The following LIMS1 variants were observed in gnomAD, a reference collection of about 807,000 sequenced individuals.
LIMS1 encodes LIM zinc finger domain containing 1.
In LIMS1, 18 loss-of-function variants were observed where a neutral mutation model predicts 44.1. The ratio of observed to expected loss-of-function variants is 0.41; its 90% CI spans 0.28 to 0.61. The LOEUF (loss-of-function observed/expected upper bound fraction) is 0.61, where lower values mean the gene tolerates loss of function less well. Ranked by LOEUF, LIMS1 falls within the 20% of genes least tolerant of loss-of-function variation. The pLI is 0.32. For synonymous variants in LIMS1, 93 were observed against 149.1 expected (o/e 0.62, Z 2.74); for missense variants, 201 against 422.0 (o/e 0.48, Z 4.59).
chr2:108,588,270 G>GAA, intron 1 of LIMS1: 4 of 802,558 alleles, frequency 5.0e-6, no homozygotes, highest in Non-Finnish European at 6.0e-6. Context: ...CTAAATACAG[G>GAA]AAAAAAAAAA....
chr2:108,622,829 T>A (rs956489152), intron 1 of LIMS1, among the ~76,000 whole-genome samples: 7 of 152,110 alleles, frequency 4.6e-5, no homozygotes, highest in Non-Finnish European at 7.4e-5. Context: ...TTTCCTTTTT[T>A]AAAAAAATTA....
In LIMS1 at chr2:108,638,966, C is replaced by G. The variant is rs558267612; in HGVS notation, c.33-20639C>G. 2.6e-5 allele frequency among the ~76,000 whole-genome samples: 4 copies of G among 152,194 alleles called. No individual in the cohort carries two copies. The East Asian group carries it at 7.7e-4, about 29-fold the overall frequency. ...GCTGAGGCAGGAGAATGGTGTGAAC[C>G]CGGGAGGCGGAGCCTGCAGTGAGCA... is the stretch of plus-strand genomic sequence containing the variant. On this transcript the variant is annotated intron_variant, in intron 1 of 9. Coordinates refer to ENST00000544547, the Ensembl canonical transcript of LIMS1.
At chr2:108,545,533 C>T (rs556416195) in intron 1 of LIMS1, among the ~76,000 whole-genome samples, 4 of 152,328 alleles carry the variant, frequency 2.6e-5, no homozygotes, top group African/African-American at 7.2e-5. Context: ...GTCACCGTGC[C>T]GGTGCATCCT....
At chr2:108,605,773 A>ATCTTGG (rs1457132386) in intron 1 of LIMS1, among the ~76,000 whole-genome samples, 22 of 152,260 alleles carry the variant, frequency 1.4e-4, no homozygotes, top group African/African-American at 5.1e-4. Flanking sequence ...GAGGGACCCA[A>ATCTTGG]GAGCAACTTG....
chr2:108,595,621 T>TTTG lies in LIMS1; in HGVS notation c.32+61045_32+61047dup, dbSNP rs569763925. 6.2e-4 allele frequency among the ~76,000 whole-genome samples: 95 copies of TTTG among 152,068 alleles called. 1 individual carries two copies. Among genetic ancestry groups the TTTG allele is most frequent in the African/African-American group, 1.1e-3 (47 of 41,400 alleles). On this transcript the variant is annotated intron_variant, in intron 1 of 9. Coordinates refer to ENST00000544547, the Ensembl canonical transcript of LIMS1. ...GTTTTTCCCATTGTACTTGGTTTAT[T>TTTG]TTGTTGTTGTTGTTGTTGTTCTGTA...
At chr2:108,683,792 G>A (rs762120251) in intron 9 of LIMS1, 93 bp from the exon 10 acceptor site, 117 of 577,044 alleles carry the variant, frequency 2.0e-4, no homozygotes, top group Non-Finnish European at 2.6e-4. Flanking sequence ...AGTTGCCTTC[G>A]TTTAGTTCAG....
At chr2:108,603,664 G>C (rs1233320416) in intron 1 of LIMS1, among the ~76,000 whole-genome samples, 1 of 151,892 alleles carries the variant, frequency 6.6e-6, no homozygotes, top group East Asian at 1.9e-4. Context: ...TCTTGGTCAG[G>C]CTGGTCTTGA....
At chr2:108,652,655 C>G (rs2438262) in intron 1 of LIMS1, among the ~76,000 whole-genome samples, 4 of 151,352 alleles carry the variant, frequency 2.6e-5, no homozygotes, top group Non-Finnish European at 2.9e-5. Flanking sequence ...AAATGACAGA[C>G]ACCCGCACAC....
At chr2:108,683,539 C>CAAAA (rs35864001) in intron 9 of LIMS1, among the ~76,000 whole-genome samples, 27 of 105,902 alleles carry the variant, frequency 2.5e-4, no homozygotes, top group African/African-American at 9.3e-4. Context: ...GCTCTGTTTC[C>CAAAA]AAAAAAAAAA....
chr2:108,534,466 C>T lies in LIMS1; in HGVS notation c.-97C>T, dbSNP rs1684044309. ...CTTCCTCCCCTTCCTGCTCCGGGCC[C>T]GCCAGTAGCCGGCCGCGGCGGCGAG... is the stretch of plus-strand genomic sequence containing the variant. On this transcript the variant is annotated 5_prime_UTR_variant, in exon 1 of 10. Coordinates refer to ENST00000544547, the Ensembl canonical transcript of LIMS1. The T allele has an allele frequency of 6.9e-6, 7 of 1,008,076 alleles. No homozygotes were observed. Among genetic ancestry groups the T allele is most frequent in the South Asian group, 4.8e-5 (1 of 20,934 alleles). 62.4% of individuals were successfully genotyped at this position (1,008,076 alleles called of 1,614,324 possible).
chr2:108,680,542 A>T lies in LIMS1; in HGVS notation c.824-153A>T, dbSNP rs1416255909. ...ATAGAGCAAGACCCTGTCTCATTTA[A>T]AAAAAAAAAAAAAAAAAAAAAAGGT... On this transcript the variant is annotated intron_variant, in intron 8 of 9. Transcript: ENST00000544547. Among the ~76,000 whole-genome samples, 877 of 94,300 alleles carry T rather than the reference A, an allele frequency of 9.3e-3. 2 individuals are homozygous for T. Among genetic ancestry groups the T allele is most frequent in the East Asian group, 0.051 (18 of 350 alleles). The allele number at this position is 94,300 out of a possible 152,430, so 61.9% of individuals were successfully genotyped here.
At chr2:108,601,111 G>C (rs1384811443) in intron 1 of LIMS1, among the ~76,000 whole-genome samples, 1 of 152,100 alleles carries the variant, frequency 6.6e-6, no homozygotes, top group Non-Finnish European at 1.5e-5. Flanking sequence ...TGCGGGAGAT[G>C]CCTGAGGGGG....
At chr2:108,594,369 T>C (rs1686557131) in intron 1 of LIMS1, among the ~76,000 whole-genome samples, 1 of 152,206 alleles carries the variant, frequency 6.6e-6, no homozygotes, top group Non-Finnish European at 1.5e-5. Context: ...GAAGTGACAT[T>C]TACTGAGAAC....
At chr2:108,673,419 G>T (rs562025611) in intron 5 of LIMS1, 2 of 289,454 alleles carry the variant, frequency 6.9e-6, no homozygotes, top group South Asian at 6.4e-5. Context: ...GGTCTCTCTC[G>T]CTCTATTGCC....
chr2:108,614,245 C>T (rs1687813653), intron 1 of LIMS1, among the ~76,000 whole-genome samples: 1 of 152,234 alleles, frequency 6.6e-6, no homozygotes, highest in South Asian at 2.1e-4. Flanking sequence ...AGGTCCTCAC[C>T]ATGCTCGGGC....
intron 1 of LIMS1, among the ~76,000 whole-genome samples, chr2:108,623,735 A>G (rs1008099831): frequency 3.9e-5 from 6 of 152,252 alleles, no homozygotes; most frequent in African/African-American, 1.4e-4. Context: ...CAAGTATTGC[A>G]TAAGACCCAT....
At chr2:108,683,539 C>A (rs373317832) in intron 9 of LIMS1, among the ~76,000 whole-genome samples, 1,233 of 105,640 alleles carry the variant, frequency 0.012, no homozygotes, top group African/African-American at 0.017. Context: ...GCTCTGTTTC[C>A]AAAAAAAAAA....
chr2:108,591,983 C>T (rs1197386755), intron 1 of LIMS1, among the ~76,000 whole-genome samples: 8 of 151,806 alleles, frequency 5.3e-5, no homozygotes, highest in African/African-American at 1.7e-4. Flanking sequence ...TTGGTAGAGA[C>T]GAAGTTTCAC....
intron 5 of LIMS1, chr2:108,673,945 A>G (rs1303212169): frequency 1.3e-5 from 2 of 152,222 alleles, no homozygotes; most frequent in Non-Finnish European, 2.9e-5. Context: ...TAAAAGAAAT[A>G]TATTTAATTT....
Sources: gnomAD v4.1 joint callset for allele counts (sites outside exome capture counted in the v4.1 genomes callset) on GRCh38, gnomAD v4.1.1 for gene constraint, MANE v1.5 for transcripts, NCBI Gene and HGNC (gene_info 2026-07-23, HGNC 2026-07-21) for gene names.